Variants in B3GAT2 observed in about 807,000 individuals in gnomAD.
The protein encoded by B3GAT2 is galactosylgalactosylxylosylprotein 3-beta-glucuronosyltransferase 2.
In B3GAT2, 26 loss-of-function variants were observed where a neutral mutation model predicts 27.8. The ratio of observed to expected loss-of-function variants is 0.93; its 90% CI spans 0.68 to 1.30. The LOEUF is 1.30. Among genes scored for constraint, B3GAT2 ranks in the 50% most tolerant of loss-of-function variants. The probability of loss-of-function intolerance (pLI) is 0.00; values close to 1 mark genes in which losing one functional copy is unlikely to be tolerated. For missense variants in B3GAT2, 458 were observed against 459.0 expected (o/e 1.00, Z 0.02); for synonymous variants, 218 against 195.1 (o/e 1.12, Z -0.98).
At chr6:70,904,781 G>T (rs1237199880) in intron 1 of B3GAT2, among the ~76,000 whole-genome samples, 1 of 152,128 alleles carries the variant, frequency 6.6e-6, no homozygotes, top group African/African-American at 2.4e-5. Context: ...CTATTCTTGG[G>T]TAAAAGTTAT....
At chr6:70,913,739 A>G (rs1772724801) in intron 1 of B3GAT2, among the ~76,000 whole-genome samples, 1 of 152,176 alleles carries the variant, frequency 6.6e-6, no homozygotes, top group Non-Finnish European at 1.5e-5. Context: ...TACTGAGTTC[A>G]GGTCCCAAGT....
At chr6:70,912,937 G>GT in intron 1 of B3GAT2, among the ~76,000 whole-genome samples, 1 of 152,086 alleles carries the variant, frequency 6.6e-6, no homozygotes, top group Admixed American at 6.6e-5. Context: ...TTTCTTGTAG[G>GT]TTTTTTAGTT....
At chr6:70,885,305 T>C (rs528914983) in intron 2 of B3GAT2, among the ~76,000 whole-genome samples, 137 of 152,320 alleles carry the variant, frequency 9.0e-4, no homozygotes, top group Non-Finnish European at 1.4e-3. Flanking sequence ...GGCACTCACA[T>C]GGCACCAAAT....
intron 1 of B3GAT2, among the ~76,000 whole-genome samples, chr6:70,919,941 C>T (rs907245756): frequency 6.6e-6 from 1 of 152,176 alleles, no homozygotes; most frequent in African/African-American, 2.4e-5. Context: ...TCAGAGCTGT[C>T]AGGCAGGGAT....
At chr6:70,936,161 G>A (rs1305586075) in intron 1 of B3GAT2, among the ~76,000 whole-genome samples, 7 of 151,806 alleles carry the variant, frequency 4.6e-5, no homozygotes, top group African/African-American at 9.7e-5. Flanking sequence ...AAAGAAGGCC[G>A]TTACATAACG....
At chr6:70,891,334 T>C (rs762590810) in intron 2 of B3GAT2, among the ~76,000 whole-genome samples, 19 of 152,170 alleles carry the variant, frequency 1.2e-4, no homozygotes, top group Admixed American at 3.3e-4. Flanking sequence ...AATCATTATT[T>C]TAAAAAATAT....
chr6:70,865,905 T>C (rs761142465), intron 2 of B3GAT2, among the ~76,000 whole-genome samples: 10 of 152,158 alleles, frequency 6.6e-5, no homozygotes. Context: ...CTGCCTGAAG[T>C]ATGTTTTCAG....
Position 70,956,368 on chromosome 6 carries a change from A to G in B3GAT2, c.62T>C (p.Ile21Thr). ...CCTGCGCGTGTCCACGTCGAGCATG[A>G]TGATGACAATTAGGATCCAGGGCAG... ...ILLPWILIVI[I>T]MLDVDTRRPV... Residue 21 changes from isoleucine (I) to threonine (T), a missense_variant, in exon 1 of 4, where the codon ATC (isoleucine) becomes ACC (threonine). Ile to Thr is a moderately conservative substitution (Grantham distance 89). Transcript: ENST00000230053. 6.4e-7 allele frequency: 1 copy of G among 1,560,512 alleles called. No individual in the cohort carries two copies. Among genetic ancestry groups the G allele is most frequent in the Non-Finnish European group, 8.7e-7 (1 of 1,151,756 alleles).
intron 1 of B3GAT2, among the ~76,000 whole-genome samples, chr6:70,919,558 T>C (rs894712332): frequency 1.3e-5 from 2 of 152,222 alleles, no homozygotes; most frequent in African/African-American, 4.8e-5. Context: ...TGGTCTTTGA[T>C]GTTGGTGACC....
intron 2 of B3GAT2, among the ~76,000 whole-genome samples, chr6:70,868,464 G>A (rs1012312739): frequency 5.9e-5 from 9 of 152,110 alleles, no homozygotes; most frequent in African/African-American, 2.2e-4. Flanking sequence ...ACCTCCATAG[G>A]CTCATCCCAC....
intron 1 of B3GAT2, 112 bp from the exon 2 acceptor site, chr6:70,894,384 G>T (rs1772344316): frequency 2.5e-6 from 3 of 1,219,438 alleles, no homozygotes; most frequent in African/African-American, 1.5e-5. Context: ...GATTTCAAAA[G>T]CTGAAGGTTT....
chr6:70,917,452 G>T (rs1772792714), intron 1 of B3GAT2, among the ~76,000 whole-genome samples: 1 of 151,820 alleles, frequency 6.6e-6, no homozygotes, highest in Admixed American at 6.6e-5. Flanking sequence ...GAATTCATTT[G>T]CTCTTGCTTC....
intron 2 of B3GAT2, among the ~76,000 whole-genome samples, chr6:70,880,789 C>T (rs1305809153): frequency 6.6e-6 from 1 of 152,066 alleles, no homozygotes; most frequent in East Asian, 1.9e-4. Context: ...CCTCAGCCTC[C>T]CGAGTAACTG....
At chr6:70,903,099 TCATCATG>T in intron 1 of B3GAT2, among the ~76,000 whole-genome samples, 1 of 151,992 alleles carries the variant, frequency 6.6e-6, no homozygotes, top group Non-Finnish European at 1.5e-5. Flanking sequence ...ATGTATCAAA[TCATCATG>T]TTATACAATA....
intron 1 of B3GAT2, among the ~76,000 whole-genome samples, chr6:70,934,364 G>A (rs544743868): frequency 8.9e-5 from 6 of 67,452 alleles, no homozygotes; most frequent in South Asian, 1.3e-3. Flanking sequence ...CCCCACCCCC[G>A]CCCCACCCCA....
rs886618829 is a variant in B3GAT2 at position 70,857,479 on chromosome 6, T to A, written c.*4184A>T. 17 of 170,604 alleles carry A rather than the reference T, an allele frequency of 1.0e-4. No individual in the cohort carries two copies. The highest frequency in any genetic ancestry group is 9.1e-4 in the Admixed American group (16 of 17,602). 10.6% of individuals were successfully genotyped at this position (170,604 alleles called of 1,614,324 possible). On this transcript the variant is annotated 3_prime_UTR_variant, in exon 4 of 4. Coordinates refer to ENST00000230053, the MANE Select transcript of B3GAT2 (RefSeq NM_080742.3). ...TACAGAGTTTTAATCTTTCACACCATTTCCTTTAAAATAATGAGCTGCATT... is the reference window on the plus strand; with the variant it reads ...TACAGAGTTTTAATCTTTCACACCAATTCCTTTAAAATAATGAGCTGCATT...
Position 70,899,807 on chromosome 6 carries a change from G to C in B3GAT2, c.592-5535C>G, listed in dbSNP as rs141146604. Among the ~76,000 whole-genome samples, 1,121 of 152,208 alleles carry C rather than the reference G, an allele frequency of 7.4e-3. 4 individuals are homozygous for C. Among genetic ancestry groups the C allele is most frequent in the East Asian group, 0.017 (88 of 5,178 alleles). On this transcript the variant is annotated intron_variant, in intron 1 of 3. Transcript: ENST00000230053. ...TTTCACTCAATCTATGCTCTTTGAG[G>C]ATTCCTTAACAGCCCTGTTATTTTC...
intron 1 of B3GAT2, among the ~76,000 whole-genome samples, chr6:70,919,370 T>C (rs1772829153): frequency 6.6e-6 from 1 of 152,224 alleles, no homozygotes; most frequent in African/African-American, 2.4e-5. Flanking sequence ...TTGGAGAAGT[T>C]TGTTATTACC....
chr6:70,859,161 A>G lies in B3GAT2; in HGVS notation c.*2502T>C. On this transcript the variant is annotated 3_prime_UTR_variant, in exon 4 of 4. Coordinates refer to ENST00000230053, the MANE Select transcript of B3GAT2 (RefSeq NM_080742.3). ...ACTATATATCACAGTTAATTTTGCT[A>G]CCACCATTTACAAGAATATAGGTAA... is the stretch of plus-strand genomic sequence containing the variant. 1 of 524,746 alleles carries G rather than the reference A, an allele frequency of 1.9e-6. No individual in the cohort carries two copies. The highest frequency in any genetic ancestry group is 1.9e-5 in the African/African-American group (1 of 52,164). 32.5% of individuals were successfully genotyped at this position (524,746 alleles called of 1,614,324 possible).
Sources: gnomAD v4.1 joint callset for allele counts (sites outside exome capture counted in the v4.1 genomes callset) on GRCh38, gnomAD v4.1.1 for gene constraint, MANE v1.5 for transcripts, NCBI Gene and HGNC (gene_info 2026-07-23, HGNC 2026-07-21) for gene names.